SLC75A1: variants seen among roughly 807,000 people sequenced by gnomAD.
The protein encoded by SLC75A1 is solute carrier family 75 member 1, also known as major facilitator superfamily domain containing 10.
At chr4:2,933,383 G>A in the SLC75A1 span, among the ~76,000 whole-genome samples, 2 of 152,344 alleles carry the variant, frequency 1.3e-5, no homozygotes, top group East Asian at 3.9e-4. Context: ...GGAAGGATCT[G>A]AACGTGACAC....
the SLC75A1 span, chr4:2,931,308 C>T: frequency 1.3e-6 from 2 of 1,548,362 alleles, no homozygotes; most frequent in Non-Finnish European, 1.7e-6. Flanking sequence ...GCCCGTCAGC[C>T]CAGGGGAGGG....
At chr4:2,934,496 C>T in the SLC75A1 span, 2 of 121,912 alleles carry the variant, frequency 1.6e-5, no homozygotes, top group East Asian at 5.5e-4. Context: ...CGGTCCCGCC[C>T]CCCACCCTGC....
chr4:2,934,136 G>A, the SLC75A1 span: 11 of 608,476 alleles, frequency 1.8e-5, no homozygotes, highest in African/African-American at 5.6e-5. Context: ...CGCAGGCTTC[G>A]GGGATTGCAC....
the SLC75A1 span, chr4:2,932,111 G>A: frequency 6.2e-7 from 1 of 1,610,436 alleles, no homozygotes; most frequent in Non-Finnish European, 8.5e-7. Context: ...AGGGGGCTGA[G>A]CAGATCAGCC....
chr4:2,931,235 GCGA>G, the SLC75A1 span: 2 of 1,564,372 alleles, frequency 1.3e-6, no homozygotes, highest in Non-Finnish European at 8.7e-7. Flanking sequence ...ACCATAGCCA[GCGA>G]CCACGGAGGA....
the SLC75A1 span, chr4:2,931,993 G>T: frequency 3.1e-6 from 5 of 1,602,284 alleles, no homozygotes; most frequent in Non-Finnish European, 3.4e-6. Flanking sequence ...GGCGCCGCCC[G>T]GGGAAGCCCA....
chr4:2,933,864 C>A, the SLC75A1 span: 1 of 1,584,834 alleles, frequency 6.3e-7, no homozygotes. Context: ...CGCGGCGCTC[C>A]GGCGGCTGCT....
chr4:2,931,399 G>A, the SLC75A1 span: 1 of 1,551,184 alleles, frequency 6.4e-7, no homozygotes, highest in Non-Finnish European at 8.7e-7. Flanking sequence ...AGCAGCCCCA[G>A]GCCCAGCACG....
chr4:2,932,697 G>A, the SLC75A1 span: 53 of 1,606,462 alleles, frequency 3.3e-5, no homozygotes, highest in African/African-American at 2.4e-4. Context: ...CAGCCTGGAG[G>A]CCAGGAAGGC....
At chr4:2,930,936 C>T in the SLC75A1 span, 1 of 1,612,990 alleles carries the variant, frequency 6.2e-7, no homozygotes. Context: ...CAGGCCTGGG[C>T]CCCGGCCAGC....
At chr4:2,931,668 G>C in the SLC75A1 span, 3 of 1,611,472 alleles carry the variant, frequency 1.9e-6, no homozygotes, top group Non-Finnish European at 2.5e-6. Context: ...TGTAGGCTGG[G>C]AGCGGGTGTG....
At chr4:2,932,909 G>A in the SLC75A1 span, 8 of 1,099,726 alleles carry the variant, frequency 7.3e-6, no homozygotes, top group East Asian at 1.3e-4. Flanking sequence ...CTTCCTAGGG[G>A]CCAGGAGCAG....
chr4:2,933,137 A>C, the SLC75A1 span: 2 of 1,613,644 alleles, frequency 1.2e-6, no homozygotes, highest in African/African-American at 2.7e-5. Flanking sequence ...GCGCCTCCCC[A>C]AGCAGTCAGA....
chr4:2,932,184 A>AG, the SLC75A1 span: 2 of 1,580,216 alleles, frequency 1.3e-6, no homozygotes, highest in African/African-American at 2.7e-5. Flanking sequence ...AGCCTGCAGG[A>AG]GCGGCTGCTG....
At chr4:2,930,857 T>C in the SLC75A1 span, 1 of 1,613,074 alleles carries the variant, frequency 6.2e-7, no homozygotes, top group Non-Finnish European at 8.5e-7. Context: ...CTTGAGCGTC[T>C]GTGCCGGGTA....
the SLC75A1 span, chr4:2,932,775 G>T: frequency 6.5e-7 from 1 of 1,542,402 alleles, no homozygotes; most frequent in Non-Finnish European, 8.7e-7. Flanking sequence ...AGGGGCAGGG[G>T]CCAAGAGGCA....
chr4:2,931,300 C>G, the SLC75A1 span: 1 of 1,549,518 alleles, frequency 6.5e-7, no homozygotes, highest in African/African-American at 1.4e-5. Context: ...GAGGAGGTGC[C>G]CGTCAGCCCA....
the SLC75A1 span, chr4:2,931,440 A>T: frequency 6.4e-7 from 1 of 1,561,914 alleles, no homozygotes; most frequent in Non-Finnish European, 8.7e-7. Context: ...GATGAGGAGG[A>T]AGGCGGGCAC....
the SLC75A1 span, chr4:2,932,076 G>C: frequency 6.2e-7 from 1 of 1,611,058 alleles, no homozygotes; most frequent in African/African-American, 1.3e-5. Flanking sequence ...GGCCACGAGC[G>C]ACAGCCGAGA....
Sources: allele counts gnomAD v4.1 joint callset (sites outside exome capture counted in the v4.1 genomes callset), GRCh38; gene constraint gnomAD v4.1.1; transcripts MANE v1.5; gene names NCBI Gene and HGNC (gene_info 2026-07-23, HGNC 2026-07-21).